TYR: variants seen among roughly 807,000 people sequenced by gnomAD.
TYR encodes LB24-AB.
TYR carries 58 observed loss-of-function variants against 51.5 expected under a neutral mutation model. The ratio of observed to expected loss-of-function variants is 1.13; its 90% CI spans 0.91 to 1.40. The LOEUF (loss-of-function observed/expected upper bound fraction) is 1.40, where lower values mean the gene tolerates loss of function less well. Ranked by LOEUF, TYR falls within the 40% of genes most tolerant of loss-of-function variation. The pLI, the probability that TYR is intolerant of heterozygous loss-of-function variation, is 0.00. For missense variants in TYR, 732 were observed against 647.4 expected (o/e 1.13, Z -1.42); for synonymous variants, 263 against 235.2 (o/e 1.12, Z -1.08).
intron 3 of TYR, among the ~76,000 whole-genome samples, chr11:89,259,409 A>T (rs999206638): frequency 6.6e-6 from 1 of 152,120 alleles, no homozygotes; most frequent in Non-Finnish European, 1.5e-5. Flanking sequence ...TCACTGAGAA[A>T]GTAATGCCAA....
intron 3 of TYR, among the ~76,000 whole-genome samples, chr11:89,277,877 C>T (rs563888760): frequency 1.9e-4 from 29 of 151,752 alleles, no homozygotes; most frequent in African/African-American, 3.1e-4. Context: ...TTCTCTGCAA[C>T]GAAATCTGTG....
chr11:89,283,194 TA>T (rs1944738717), intron 3 of TYR, among the ~76,000 whole-genome samples: 1 of 151,816 alleles, frequency 6.6e-6, no homozygotes, highest in South Asian at 2.1e-4. Flanking sequence ...TTTTAGTGTT[TA>T]TCAGTGGACT....
chr11:89,195,256 A>G (rs1943500666), intron 2 of TYR, among the ~76,000 whole-genome samples: 1 of 152,218 alleles, frequency 6.6e-6, no homozygotes, highest in African/African-American at 2.4e-5. Context: ...GGAACAAAAT[A>G]TTCATAGTCA....
At chr11:89,283,496 T>C (rs1310600139) in intron 3 of TYR, among the ~76,000 whole-genome samples, 5 of 151,830 alleles carry the variant, frequency 3.3e-5, no homozygotes, top group African/African-American at 1.2e-4. Flanking sequence ...TAAGTAACGA[T>C]AGCTTATTAT....
intron 2 of TYR, among the ~76,000 whole-genome samples, chr11:89,198,015 T>C (rs1943545699): frequency 6.6e-6 from 1 of 152,136 alleles, no homozygotes; most frequent in Admixed American, 6.6e-5. Context: ...AAGGACTTTT[T>C]AAGGAGCAAT....
At chr11:89,286,252 G>A (rs2135325453) in intron 4 of TYR, among the ~76,000 whole-genome samples, 1 of 152,026 alleles carries the variant, frequency 6.6e-6, no homozygotes, top group Non-Finnish European at 1.5e-5. Flanking sequence ...GCTAGGCAAA[G>A]AGAATAGCAA....
chr11:89,287,573 GC>G (rs1427808933), intron 4 of TYR, among the ~76,000 whole-genome samples: 1 of 151,850 alleles, frequency 6.6e-6, no homozygotes, highest in Non-Finnish European at 1.5e-5. Flanking sequence ...ATAGAGATAT[GC>G]CTAACTCCAG....
Position 89,295,334 on chromosome 11 carries a change from G to A in TYR, c.1558G>A (p.Asp520Asn), listed in dbSNP as rs1944896825. The A allele has an allele frequency of 2.5e-6, 4 of 1,613,140 alleles. No individual in the cohort carries two copies. The highest frequency in any genetic ancestry group is 3.4e-6 in the Non-Finnish European group (4 of 1,179,478). Residue 520 changes from aspartate to asparagine, a missense_variant, in exon 5 of 5, where the codon GAT (aspartate) becomes AAT (asparagine). By Grantham distance (23) the Asp-to-Asn change is conservative (BLOSUM62 1). Transcript: ENST00000263321. The part of the protein sequence containing the change: ...EKQPLLMEKE[D>N]YHSLYQSHL Reference sequence around the variant, plus strand: ...GCAGCCACTCCTCATGGAGAAAGAGGATTACCACAGCTTGTATCAGAGCCA... The same window carrying A: ...GCAGCCACTCCTCATGGAGAAAGAGAATTACCACAGCTTGTATCAGAGCCA...
intron 3 of TYR, among the ~76,000 whole-genome samples, chr11:89,239,849 G>A (rs74821298): frequency 3.0e-4 from 46 of 152,066 alleles, no homozygotes; most frequent in African/African-American, 1.1e-3. Flanking sequence ...TGAATTTTTT[G>A]AAATTCTTTC....
intron 4 of TYR, among the ~76,000 whole-genome samples, chr11:89,288,067 T>C (rs1377631809): frequency 6.6e-6 from 1 of 151,944 alleles, no homozygotes; most frequent in Non-Finnish European, 1.5e-5. Context: ...GGAAAGCTTA[T>C]GGTTTTGTTA....
At chr11:89,183,042 C>G (rs1250289105) in intron 1 of TYR, among the ~76,000 whole-genome samples, 1 of 152,032 alleles carries the variant, frequency 6.6e-6, no homozygotes, top group Non-Finnish European at 1.5e-5. Context: ...AACAGCTTCT[C>G]TTTTTTCTTT....
At chr11:89,182,236 G>A (rs1591136714) in intron 1 of TYR, among the ~76,000 whole-genome samples, 3 of 152,208 alleles carry the variant, frequency 2.0e-5, no homozygotes, top group African/African-American at 7.2e-5. Flanking sequence ...TATACACATG[G>A]AACAGGCTTT....
chr11:89,250,748 T>G (rs1436739380), intron 3 of TYR, among the ~76,000 whole-genome samples: 2 of 151,870 alleles, frequency 1.3e-5, no homozygotes, highest in Non-Finnish European at 2.9e-5. Context: ...TGCATTAGGG[T>G]TCACCCTAAT....
At chr11:89,227,993 A>G in intron 3 of TYR, 23 bp downstream of exon 3, 1 of 1,612,340 alleles carries the variant, frequency 6.2e-7, no homozygotes, top group Non-Finnish European at 8.5e-7. Flanking sequence ...TTCTTTATAA[A>G]TAACGTGCTC....
At chr11:89,216,802 T>C (rs1442516658) in intron 2 of TYR, among the ~76,000 whole-genome samples, 1 of 152,168 alleles carries the variant, frequency 6.6e-6, no homozygotes, top group East Asian at 1.9e-4. Context: ...CATCTCTTGA[T>C]CTTCATCCTG....
At chr11:89,216,906 A>G (rs894175203) in intron 2 of TYR, among the ~76,000 whole-genome samples, 1 of 152,136 alleles carries the variant, frequency 6.6e-6, no homozygotes, top group African/African-American at 2.4e-5. Context: ...TATCATGATC[A>G]AACAGACATG....
chr11:89,256,189 ATTTG>A (rs985233205), intron 3 of TYR, among the ~76,000 whole-genome samples: 10 of 151,800 alleles, frequency 6.6e-5, no homozygotes, highest in East Asian at 1.9e-4. Context: ...AAAATCGGGT[ATTTG>A]TTTGTTATTG....
At chr11:89,276,961 A>T (rs1944661601) in intron 3 of TYR, among the ~76,000 whole-genome samples, 1 of 151,786 alleles carries the variant, frequency 6.6e-6, no homozygotes, top group South Asian at 2.1e-4. Flanking sequence ...TTTGGAAGGG[A>T]AGAAAACAAA....
In TYR at chr11:89,197,483, T is replaced by C. The variant is rs372086265; in HGVS notation, c.1036+6065T>C. Among the ~76,000 whole-genome samples the C allele has an allele frequency of 1.2e-4, 19 of 152,330 alleles. No individual in the cohort carries two copies. In the East Asian group the frequency reaches 3.1e-3, roughly 25 times the overall value. ...ATGTTTAAAAACCATAACATTCTTATCTTCAAAAGTATGTCTGAAAAATTT... is the reference window on the plus strand; with the variant it reads ...ATGTTTAAAAACCATAACATTCTTACCTTCAAAAGTATGTCTGAAAAATTT... On this transcript the variant is annotated intron_variant, in intron 2 of 4. Coordinates refer to ENST00000263321, the MANE Select transcript of TYR (RefSeq NM_000372.5).
Sources: allele counts gnomAD v4.1 joint callset (sites outside exome capture counted in the v4.1 genomes callset), GRCh38; gene constraint gnomAD v4.1.1; transcripts MANE v1.5; gene names NCBI Gene and HGNC (gene_info 2026-07-23, HGNC 2026-07-21).